Variants in WWOX observed in about 807,000 individuals in gnomAD.
WWOX encodes the protein WW domain-containing oxidoreductase.
In WWOX, 69 loss-of-function variants were observed where a neutral mutation model predicts 46.2. The observed-to-expected ratio is 1.49, with a 90% CI of 1.23 to 1.82. The LOEUF (loss-of-function observed/expected upper bound fraction) is 1.82, where lower values mean the gene tolerates loss of function less well. Ranked by LOEUF, WWOX falls within the 40% of genes most tolerant of loss-of-function variation. The pLI is 0.00. For synonymous variants in WWOX, 359 were observed against 202.6 expected (o/e 1.77, Z -6.56); for missense variants, 919 against 542.6 (o/e 1.69, Z -6.89).
chr16:78,804,917 C>G lies in WWOX; in HGVS notation c.1056+372165C>G, dbSNP rs192895381. Among the ~76,000 whole-genome samples, 509 of 152,348 alleles carry G rather than the reference C, an allele frequency of 3.3e-3. 4 individuals are homozygous for G. Among genetic ancestry groups the G allele is most frequent in the African/African-American group, 0.011 (473 of 41,576 alleles). ...CCAAGTAATCTAAATTTCCTCCAAA[C>G]TAACAATTCCTGAAAGATTGAAATA... On this transcript the variant is annotated intron_variant, in intron 8 of 8. Transcript: ENST00000566780.
intron 8 of WWOX, among the ~76,000 whole-genome samples, chr16:78,546,904 A>G (rs1205787560): frequency 5.3e-5 from 8 of 152,032 alleles, no homozygotes; most frequent in Non-Finnish European, 1.2e-4. Flanking sequence ...AGGCGGGTGG[A>G]TCACTTGAGC....
chr16:79,090,947 C>A (rs1376530184), intron 8 of WWOX, among the ~76,000 whole-genome samples: 1 of 152,144 alleles, frequency 6.6e-6, no homozygotes, highest in Non-Finnish European at 1.5e-5. Flanking sequence ...GCATTCATGC[C>A]ACCGCACCCA....
intron 8 of WWOX, among the ~76,000 whole-genome samples, chr16:79,083,148 T>G (rs2048791162): frequency 1.3e-5 from 2 of 152,162 alleles, no homozygotes; most frequent in Non-Finnish European, 2.9e-5. Flanking sequence ...TGTGAGTCAT[T>G]ATGGCGAGTC....
chr16:79,125,795 T>G (rs527434839), intron 8 of WWOX, among the ~76,000 whole-genome samples: 66 of 152,338 alleles, frequency 4.3e-4, no homozygotes, highest in African/African-American at 1.5e-3. Flanking sequence ...TGTGCTAAAT[T>G]GAAACATTAT....
chr16:78,100,252 G>T (rs2031675254), intron 1 of WWOX: 17 of 1,116,692 alleles, frequency 1.5e-5, no homozygotes, highest in Non-Finnish European at 1.8e-5. Context: ...GAGTTTTGTT[G>T]TGTTTTGTTT....
At chr16:78,522,548 C>T (rs768944371) in intron 8 of WWOX, among the ~76,000 whole-genome samples, 3 of 149,674 alleles carry the variant, frequency 2.0e-5, no homozygotes, top group Non-Finnish European at 4.5e-5. Flanking sequence ...CTTTGACTCC[C>T]TGTATTACCA....
intron 8 of WWOX, among the ~76,000 whole-genome samples, chr16:78,715,792 A>C (rs1224950246): frequency 1.3e-5 from 2 of 152,152 alleles, no homozygotes; most frequent in East Asian, 1.9e-4. Context: ...TGACCATTTT[A>C]TCAGGAAAAG....
intron 8 of WWOX, among the ~76,000 whole-genome samples, chr16:78,547,131 A>AAAAAG (rs2044053939): frequency 2.8e-5 from 1 of 35,380 alleles, no homozygotes; most frequent in Non-Finnish European, 9.9e-5. Flanking sequence ...GTCTCAGAAA[A>AAAAAG]AAAAAAAAAA....
intron 8 of WWOX, chr16:78,506,703 T>G (rs2085214593): frequency 1.3e-4 from 1 of 7,582 alleles, no homozygotes; most frequent in Non-Finnish European, 3.6e-4. Context: ...GTGTTTTTTT[T>G]TTTTTTTTTT....
chr16:78,986,509 G>C (rs1369785882), intron 8 of WWOX, among the ~76,000 whole-genome samples: 3 of 152,152 alleles, frequency 2.0e-5, no homozygotes, highest in Non-Finnish European at 4.4e-5. Flanking sequence ...TTTCTTTTTA[G>C]GATTTCATGT....
intron 8 of WWOX, among the ~76,000 whole-genome samples, chr16:79,113,784 A>T (rs1302483032): frequency 6.6e-6 from 1 of 152,220 alleles, no homozygotes; most frequent in Non-Finnish European, 1.5e-5. Context: ...AAGGAGGGCA[A>T]AGGAGAGATT....
At chr16:78,152,193 A>AG (rs1332281473) in intron 4 of WWOX, among the ~76,000 whole-genome samples, 1 of 89,798 alleles carries the variant, frequency 1.1e-5, no homozygotes, top group Non-Finnish European at 2.4e-5. Context: ...CCGTCTCAAG[A>AG]GAAAAAAAAA....
At chr16:79,089,444 G>A (rs2048913496) in intron 8 of WWOX, among the ~76,000 whole-genome samples, 1 of 150,914 alleles carries the variant, frequency 6.6e-6, no homozygotes, top group African/African-American at 2.4e-5. Flanking sequence ...CGATTCTTCT[G>A]CCTCAGCCTC....
chr16:78,364,804 G>A (rs890290657), intron 5 of WWOX, among the ~76,000 whole-genome samples: 7 of 152,190 alleles, frequency 4.6e-5, no homozygotes, highest in East Asian at 1.9e-4. Context: ...TCTGATTACA[G>A]ATCGTGGGAG....
chr16:78,592,608 CA>C (rs1252691548), intron 8 of WWOX, among the ~76,000 whole-genome samples: 1 of 152,110 alleles, frequency 6.6e-6, no homozygotes, highest in Non-Finnish European at 1.5e-5. Context: ...TTCTTAGAGC[CA>C]GAGCTGGAAG....
chr16:78,180,733 G>T (rs190024529), intron 5 of WWOX, among the ~76,000 whole-genome samples: 83 of 151,606 alleles, frequency 5.5e-4, no homozygotes, highest in African/African-American at 1.9e-3. Context: ...GGGTATACAT[G>T]AATACTAGTG....
chr16:78,680,859 C>G lies in WWOX; in HGVS notation c.1056+248107C>G, dbSNP rs543198320. On this transcript the variant is annotated intron_variant, in intron 8 of 8. Transcript: ENST00000566780. ...GGCATGGTGGCTCATGCCTGTAATC[C>G]TAGCACTTTGGGAGGATGAAGTGGG... is the stretch of plus-strand genomic sequence containing the variant. Among the ~76,000 whole-genome samples, 9 of 152,262 alleles carry G rather than the reference C, an allele frequency of 5.9e-5. No homozygotes were observed. In the South Asian group the frequency reaches 8.3e-4, roughly 14 times the overall value.
intron 8 of WWOX, among the ~76,000 whole-genome samples, chr16:78,883,998 G>A (rs2044398450): frequency 6.6e-6 from 1 of 152,022 alleles, no homozygotes; most frequent in East Asian, 1.9e-4. Flanking sequence ...TTCACTTCTG[G>A]CCAGGCGTGG....
At chr16:78,679,191 G>A (rs893753785) in intron 8 of WWOX, among the ~76,000 whole-genome samples, 1 of 150,388 alleles carries the variant, frequency 6.6e-6, no homozygotes, top group Non-Finnish European at 1.5e-5. Context: ...GTAGAGAATA[G>A]ATTACAGGTG....
Sources: gnomAD v4.1 joint callset for allele counts (sites outside exome capture counted in the v4.1 genomes callset) on GRCh38, gnomAD v4.1.1 for gene constraint, MANE v1.5 for transcripts, NCBI Gene and HGNC (gene_info 2026-07-23, HGNC 2026-07-21) for gene names.